The following KCTD16 variants were observed in gnomAD, a reference collection of about 807,000 sequenced individuals.
The protein encoded by KCTD16 is potassium channel tetramerization domain containing 16.
KCTD16 carries 13 observed loss-of-function variants against 33.2 expected under a neutral mutation model. The ratio of observed to expected loss-of-function variants is 0.39; its 90% CI spans 0.25 to 0.62. The LOEUF is 0.62. KCTD16 is among the 20% of genes least tolerant of loss of function. KCTD16 has a pLI of 0.50. For synonymous variants in KCTD16, 197 were observed against 195.3 expected (o/e 1.01, Z -0.07); for missense variants, 441 against 525.1 (o/e 0.84, Z 1.57).
intron 3 of KCTD16, among the ~76,000 whole-genome samples, chr5:144,374,618 T>C (rs1752044429): frequency 6.6e-6 from 1 of 152,194 alleles, no homozygotes; most frequent in Non-Finnish European, 1.5e-5. Context: ...ATAGAGGTAG[T>C]GTTTTCCTGT....
chr5:144,264,512 C>G (rs965139450), intron 3 of KCTD16, among the ~76,000 whole-genome samples: 2 of 152,046 alleles, frequency 1.3e-5, no homozygotes, highest in African/African-American at 4.8e-5. Flanking sequence ...ACTATAATCC[C>G]AACACTTTGG....
chr5:144,259,109 T>C (rs1754930884), intron 3 of KCTD16, among the ~76,000 whole-genome samples: 1 of 151,804 alleles, frequency 6.6e-6, no homozygotes, highest in South Asian at 2.1e-4. Context: ...ATACAAAAAA[T>C]TAGCCGGGGG....
At chr5:144,324,416 T>C (rs1752150887) in intron 3 of KCTD16, among the ~76,000 whole-genome samples, 1 of 152,136 alleles carries the variant, frequency 6.6e-6, no homozygotes. Flanking sequence ...TATTAAAAAG[T>C]CAAGAACCAA....
intron 3 of KCTD16, among the ~76,000 whole-genome samples, chr5:144,288,940 C>T (rs994151441): frequency 3.9e-5 from 6 of 152,214 alleles, no homozygotes; most frequent in African/African-American, 7.2e-5. Flanking sequence ...CACTTGAACC[C>T]GGGAGGCGGA....
chr5:144,359,090 T>G (rs1318208367), intron 3 of KCTD16, among the ~76,000 whole-genome samples: 3 of 152,214 alleles, frequency 2.0e-5, no homozygotes, highest in African/African-American at 4.8e-5. Flanking sequence ...TCCCTTATTT[T>G]TCAAATGAGA....
chr5:144,300,442 G>A (rs532065128), intron 3 of KCTD16, among the ~76,000 whole-genome samples: 1 of 152,106 alleles, frequency 6.6e-6, no homozygotes, highest in African/African-American at 2.4e-5. Context: ...ATTTAATAGG[G>A]TGCAAATTGT....
chr5:144,437,815 T>C (rs1057076588), intron 3 of KCTD16, among the ~76,000 whole-genome samples: 1 of 152,178 alleles, frequency 6.6e-6, no homozygotes, highest in Non-Finnish European at 1.5e-5. Flanking sequence ...ACCTGTCAAT[T>C]CTGGGATGCT....
At chr5:144,444,164 G>C (rs1753769726) in intron 3 of KCTD16, among the ~76,000 whole-genome samples, 1 of 151,782 alleles carries the variant, frequency 6.6e-6, no homozygotes, top group Admixed American at 6.6e-5. Context: ...TTTTTTAGCA[G>C]AGAGAGTCAA....
At chr5:144,261,957 A>G (rs1755023242) in intron 3 of KCTD16, among the ~76,000 whole-genome samples, 1 of 152,148 alleles carries the variant, frequency 6.6e-6, no homozygotes, top group Non-Finnish European at 1.5e-5. Context: ...TCTTCTATTT[A>G]TCCATTTCAT....
chr5:144,352,548 T>C (rs1580895217), intron 3 of KCTD16, among the ~76,000 whole-genome samples: 1 of 152,304 alleles, frequency 6.6e-6, no homozygotes, highest in East Asian at 1.9e-4. Flanking sequence ...GAACTCTTTG[T>C]TCTCTGGTTT....
chr5:144,190,150 T>C (rs1752812655), intron 2 of KCTD16, among the ~76,000 whole-genome samples: 1 of 152,214 alleles, frequency 6.6e-6, no homozygotes, highest in Non-Finnish European at 1.5e-5. Flanking sequence ...TATACCTCTA[T>C]TATAGCTCCT....
At position 144,473,760 on chromosome 5, in the gene KCTD16, C is replaced by T. The variant is rs761142772; in HGVS notation, c.933C>T (p.Ser311=). 3 of 1,614,076 alleles carry T rather than the reference C, an allele frequency of 1.9e-6. No individual in the cohort carries two copies. Among genetic ancestry groups the T allele is most frequent in the South Asian group, 2.2e-5 (2 of 91,074 alleles). The change falls in exon 4 of 4, where the codon TCC becomes TCT. Residue 311 remains serine, a synonymous_variant. Coordinates refer to ENST00000512467, the MANE Select transcript of KCTD16 (RefSeq NM_020768.4). ...GESGTSCNDL[S]TSSCDSQSEA... ...GCGGCACGTCTTGCAATGACCTCTC[C>T]ACATCTAGCTGCGACAGCCAGTCTG...
chr5:144,216,856 A>G (rs1196733869), intron 3 of KCTD16, among the ~76,000 whole-genome samples: 2 of 134,460 alleles, frequency 1.5e-5, no homozygotes, highest in African/African-American at 4.0e-5. Context: ...AAAAAAAAAA[A>G]AAAAGAAAAA....
intron 3 of KCTD16, among the ~76,000 whole-genome samples, chr5:144,412,040 A>T (rs1267054616): frequency 6.6e-6 from 1 of 152,214 alleles, no homozygotes; most frequent in African/African-American, 2.4e-5. Flanking sequence ...GCTAACAAGG[A>T]TGTGGGGAAA....
At chr5:144,325,004 G>T (rs1233758677) in intron 3 of KCTD16, among the ~76,000 whole-genome samples, 1 of 152,160 alleles carries the variant, frequency 6.6e-6, no homozygotes, top group Non-Finnish European at 1.5e-5. Context: ...GGGTTGATAG[G>T]TTCTGCAAAC....
At chr5:144,419,204 C>A (rs1753153675) in intron 3 of KCTD16, among the ~76,000 whole-genome samples, 1 of 152,176 alleles carries the variant, frequency 6.6e-6, no homozygotes, top group Admixed American at 6.6e-5. Context: ...AATGCTCCCA[C>A]ACTATTGTAA....
chr5:144,302,085 A>G (rs1414111705), intron 3 of KCTD16, among the ~76,000 whole-genome samples: 4 of 152,220 alleles, frequency 2.6e-5, no homozygotes, highest in Non-Finnish European at 5.9e-5. Context: ...TGGTGAAGAT[A>G]GTTTAAGTGA....
chr5:144,462,672 A>G (rs1275798787), intron 3 of KCTD16, among the ~76,000 whole-genome samples: 1 of 152,094 alleles, frequency 6.6e-6, no homozygotes, highest in Non-Finnish European at 1.5e-5. Flanking sequence ...ATAGAAGAAT[A>G]TATTAAAAAA....
intron 3 of KCTD16, among the ~76,000 whole-genome samples, chr5:144,393,598 T>C (rs1352770250): frequency 6.6e-6 from 1 of 152,118 alleles, no homozygotes; most frequent in East Asian, 1.9e-4. Context: ...TGTATACATA[T>C]ACATATATGT....
Sources: gnomAD v4.1 joint callset for allele counts (sites outside exome capture counted in the v4.1 genomes callset) on GRCh38, gnomAD v4.1.1 for gene constraint, MANE v1.5 for transcripts, NCBI Gene and HGNC (gene_info 2026-07-23, HGNC 2026-07-21) for gene names.